Variants in RIOX2 observed in about 807,000 individuals in gnomAD.
RIOX2 encodes the protein 60S ribosomal protein L27a histidine hydroxylase.
RIOX2 carries 43 observed loss-of-function variants against 51.2 expected under a neutral mutation model. The observed-to-expected ratio is 0.84, with a 90% confidence interval of 0.66 to 1.08. The LOEUF (loss-of-function observed/expected upper bound fraction) is 1.08, where lower values mean the gene tolerates loss of function less well. RIOX2 is among the 50% of genes least tolerant of loss of function. RIOX2 has a pLI of 0.00. For synonymous variants in RIOX2, 226 were observed against 218.5 expected, an observed-to-expected ratio of 1.03 and a Z score of -0.30; for missense variants, 566 against 561.7, an observed-to-expected ratio of 1.01 and a Z score of -0.08.
chr3:97,969,880 G>A (rs1025224414), intron 1 of RIOX2, among the ~76,000 whole-genome samples: 2 of 152,134 alleles, frequency 1.3e-5, no homozygotes, highest in Admixed American at 6.5e-5. Context: ...TAAATCAGCC[G>A]AGTCCTCCTA....
intron 4 of RIOX2, among the ~76,000 whole-genome samples, chr3:97,955,877 A>T (rs1404697269): frequency 6.6e-6 from 1 of 152,190 alleles, no homozygotes; most frequent in Non-Finnish European, 1.5e-5. Context: ...GACTGTACTG[A>T]ATACTGTAGA....
At position 97,959,279 on chromosome 3, in the gene RIOX2, T is replaced by C. The variant is rs1048152019; in HGVS notation, c.553-100A>G. Reference sequence around the variant, plus strand: ...GCCCTCTAAGGGGCTAATAGACAAATATATAGGTGAACCTTGAACAACACA... The same window carrying C: ...GCCCTCTAAGGGGCTAATAGACAAACATATAGGTGAACCTTGAACAACACA... On this transcript the variant is annotated intron_variant, in intron 3 of 9. Coordinates refer to ENST00000394198, the MANE Select transcript of RIOX2 (RefSeq NM_153182.4). 13 of 931,654 alleles carry C rather than the reference T, an allele frequency of 1.4e-5. No homozygotes were observed. In the African/African-American group the frequency reaches 1.9e-4, roughly 14 times the overall value. The allele number at this position is 931,654 out of a possible 1,614,324, so 57.7% of individuals were successfully genotyped here. A position where few individuals can be genotyped will look rare whatever the true frequency, so the allele number is the denominator to read the frequency against.
chr3:97,950,909 GA>G lies in RIOX2; in HGVS notation c.786-22del, dbSNP rs558961742. On this transcript the variant is annotated intron_variant, in intron 5 of 9. Transcript: ENST00000394198. Reference sequence around the variant, plus strand: ...ATGAACTAGGATATGCACCAAGGGGGAAAAAAAAACCAAAACAGTGAGTGCA... The same window carrying G: ...ATGAACTAGGATATGCACCAAGGGGGAAAAAAAACCAAAACAGTGAGTGCA... 218 of 1,510,666 alleles carry G rather than the reference GA, an allele frequency of 1.4e-4. 1 individual carries two copies. The highest frequency in any genetic ancestry group is 1.4e-3 in the East Asian group (59 of 43,346). 93.6% of individuals were successfully genotyped at this position (1,510,666 alleles called of 1,614,324 possible).
At chr3:97,952,308 C>T (rs1705283668) in intron 5 of RIOX2, 1 of 1,110,016 alleles carries the variant, frequency 9.0e-7, no homozygotes, top group African/African-American at 1.6e-5. Context: ...GGTACCCACC[C>T]ACAATCCTAA....
rs1034560540 is a variant in RIOX2 at position 97,959,072 on chromosome 3, C to T, written c.660G>A (p.Pro220=). ...ATACCTTCAGCATAAACTCATGCAC[C>T]GGCCTGCCGATCCTTTCCTCGGCCT... The part of the protein sequence containing the change: ...SVEAEERIGR[P]VHEFMLKPGD... Residue 220 remains proline, a synonymous_variant, in exon 4 of 10, where the codon CCG becomes CCA. Transcript: ENST00000394198. 11 of 1,613,124 alleles carry T rather than the reference C, an allele frequency of 6.8e-6. No homozygotes were observed. Among genetic ancestry groups the T allele is most frequent in the Middle Eastern group, 1.6e-4 (1 of 6,080 alleles).
chr3:97,962,360 C>G (rs865927938), intron 2 of RIOX2, among the ~76,000 whole-genome samples: 13,033 of 86,178 alleles, frequency 0.15, 1,647 homozygotes, highest in Middle Eastern at 0.26. Context: ...GCTAAGACCC[C>G]CCCCCCCCCC....
chr3:97,964,205 A>C (rs551241537), intron 2 of RIOX2, among the ~76,000 whole-genome samples: 1 of 152,226 alleles, frequency 6.6e-6, no homozygotes, highest in South Asian at 2.1e-4. Flanking sequence ...ACTCAACGCC[A>C]TGGCTAAAAT....
chr3:97,967,486 G>A lies in RIOX2; in HGVS notation c.108C>T (p.Asp36=). 1 of 1,614,128 alleles carries A rather than the reference G, an allele frequency of 6.2e-7. No homozygotes were observed. Among genetic ancestry groups the A allele is most frequent in the Non-Finnish European group, 8.5e-7 (1 of 1,180,036 alleles). The part of the protein sequence containing the change: ...AAGGPSALNF[D]SPSSLFESLI... Reference sequence around the variant, plus strand: ...AACTTTCAAAGAGACTACTGGGACTGTCAAAGTTTAAAGCTGAAGGCCCCC... The same window carrying A: ...AACTTTCAAAGAGACTACTGGGACTATCAAAGTTTAAAGCTGAAGGCCCCC... Residue 36 remains aspartate (D), a synonymous_variant, in exon 2 of 10, where the codon GAC becomes GAT. Transcript: ENST00000394198.
chr3:97,955,901 A>G (rs1424754153), intron 4 of RIOX2, among the ~76,000 whole-genome samples: 1 of 152,214 alleles, frequency 6.6e-6, no homozygotes, highest in Non-Finnish European at 1.5e-5. Flanking sequence ...CTGTAACACA[A>G]TGGTGTTTGT....
chr3:97,953,988 A>C (rs563564733), intron 5 of RIOX2: 36 of 167,958 alleles, frequency 2.1e-4, no homozygotes, highest in Non-Finnish European at 3.8e-4. Context: ...GTGTGAATGT[A>C]ATTAATGTCA....
chr3:97,952,066 A>C (rs1241790049), intron 5 of RIOX2: 1 of 777,852 alleles, frequency 1.3e-6, no homozygotes. Context: ...TTGGTAAAAC[A>C]ACCAAATCAA....
chr3:97,961,819 A>G, intron 2 of RIOX2, 111 bp from the exon 3 acceptor site: 1 of 1,142,108 alleles, frequency 8.8e-7, no homozygotes, highest in Non-Finnish European at 1.2e-6. Context: ...CTGCACAACT[A>G]TTATACACCA....
chr3:97,954,056 A>T (rs1559758918), intron 5 of RIOX2: 1 of 215,078 alleles, frequency 4.6e-6, no homozygotes, highest in Non-Finnish European at 9.5e-6. Flanking sequence ...ATTTTATCAT[A>T]TTAAAAAAAA....
At chr3:97,946,697 T>A (rs1421168502) in intron 8 of RIOX2, among the ~76,000 whole-genome samples, 1 of 150,716 alleles carries the variant, frequency 6.6e-6, no homozygotes, top group Non-Finnish European at 1.5e-5. Flanking sequence ...GCCCCTCTCA[T>A]CCCCCTTGAT....
chr3:97,971,719 G>A (rs928025362), intron 1 of RIOX2: 1 of 152,164 alleles, frequency 6.6e-6, no homozygotes, highest in African/African-American at 2.4e-5. Flanking sequence ...TGAAACCCGA[G>A]GCACCAGATT....
At position 97,961,603 on chromosome 3, in the gene RIOX2, A is replaced by T; in HGVS notation, c.538T>A (p.Tyr180Asn). The T allele has an allele frequency of 1.9e-6, 3 of 1,602,846 alleles. No homozygotes were observed. The highest frequency in any genetic ancestry group is 2.5e-6 in the Non-Finnish European group (3 of 1,177,128). Residue 180 changes from tyrosine to asparagine, a missense_variant, in exon 3 of 10, where the codon TAT becomes AAT. Tyr to Asn is a moderately radical substitution (Grantham distance 143, BLOSUM62 -2). Transcript: ENST00000394198. ...CCATCTCTTACCTCGACATCATCAT[A>T]ATGGGGCGGCAGGCCCTGAGATCCT... ...PAGSQGLPPHYDDVEVFILQL... is the reference protein window; with the variant it reads ...PAGSQGLPPHNDDVEVFILQL...
chr3:97,945,157 T>G lies in RIOX2; in HGVS notation c.*27A>C. The G allele has an allele frequency of 1.3e-6, 2 of 1,581,198 alleles. No homozygotes were observed. The highest frequency in any genetic ancestry group is 1.7e-6 in the Non-Finnish European group (2 of 1,166,416). ...TTTCTTTTAATATATGCATATAAAA[T>G]AGTAGGCATTTGATTCTGCAAAGGC... On this transcript the variant is annotated 3_prime_UTR_variant, in exon 10 of 10. Coordinates refer to ENST00000394198, the MANE Select transcript of RIOX2 (RefSeq NM_153182.4).
chr3:97,960,908 A>C (rs1477329578), intron 3 of RIOX2, among the ~76,000 whole-genome samples: 3 of 152,214 alleles, frequency 2.0e-5, no homozygotes, highest in African/African-American at 7.2e-5. Context: ...ATTCAGTCAA[A>C]GATATTCTAT....
At chr3:97,950,138 A>C in intron 6 of RIOX2, 123 bp from the exon 7 acceptor site, 1 of 865,260 alleles carries the variant, frequency 1.2e-6, no homozygotes, top group Non-Finnish European at 1.8e-6. Context: ...GTCATTCCAA[A>C]GGGGAAGGGA....
Sources: gnomAD v4.1 joint callset for allele counts (sites outside exome capture counted in the v4.1 genomes callset) on GRCh38, gnomAD v4.1.1 for gene constraint, MANE v1.5 for transcripts, NCBI Gene and HGNC (gene_info 2026-07-23, HGNC 2026-07-21) for gene names.